ATCAY: variants seen among roughly 807,000 people sequenced by gnomAD.
ATCAY encodes ATCAY kinesin light chain interacting caytaxin, also known as caytaxin.
A neutral mutation model predicts 47.7 loss-of-function variants in ATCAY; 22 were observed. That is an observed-to-expected ratio of 0.46 (90% CI 0.33 to 0.66). The LOEUF (loss-of-function observed/expected upper bound fraction) is 0.66, where lower values mean the gene tolerates loss of function less well. Among genes scored for constraint, ATCAY ranks in the 30% least tolerant of loss-of-function variants. ATCAY has a pLI of 0.02. For missense variants in ATCAY, 452 were observed against 515.0 expected, an observed-to-expected ratio of 0.88 and a Z score of 1.18; for synonymous variants, 216 against 207.6, an observed-to-expected ratio of 1.04 and a Z score of -0.35.
rs192076730 is a variant in ATCAY at position 3,920,840 on chromosome 19, G to A, written c.1106+42G>A. The stretch of plus-strand genomic sequence containing the variant: ...GTGGTCTTCGTGCTGTTTTCAAAAT[G>A]TCCTTCATGGACCTGTATTAGTCAG... On this transcript the variant is annotated intron_variant, in intron 12 of 12. Coordinates refer to ENST00000450849, the MANE Select transcript of ATCAY (RefSeq NM_033064.5). 3.9e-5 allele frequency: 63 copies of A among 1,610,058 alleles called. 2 individuals are homozygous for A. In the African/African-American group the frequency reaches 7.5e-4, roughly 19 times the overall value.
intron 2 of ATCAY, among the ~76,000 whole-genome samples, chr19:3,898,912 C>A (rs2038791245): frequency 1.3e-5 from 2 of 152,206 alleles, no homozygotes; most frequent in Admixed American, 6.5e-5. Flanking sequence ...AATCTCTTGG[C>A]CTCATGATGT....
intron 2 of ATCAY, among the ~76,000 whole-genome samples, chr19:3,886,276 G>A (rs895163567): frequency 4.0e-5 from 6 of 151,692 alleles, no homozygotes; most frequent in Non-Finnish European, 7.4e-5. Flanking sequence ...TGGCAAAACC[G>A]CGTCTCTACT....
chr19:3,914,993 C>CG (rs397823016), intron 9 of ATCAY, among the ~76,000 whole-genome samples: 1 of 151,706 alleles, frequency 6.6e-6, no homozygotes, highest in Non-Finnish European at 1.5e-5. Flanking sequence ...CAGGGACCCC[C>CG]CGGAGCTTGG....
intron 1 of ATCAY, among the ~76,000 whole-genome samples, chr19:3,882,310 C>A (rs1427996348): frequency 6.6e-6 from 1 of 152,056 alleles, no homozygotes; most frequent in Non-Finnish European, 1.5e-5. Context: ...CTGCCCCCAG[C>A]CAGATGCTTT....
chr19:3,908,808 A>C (rs1599290147), intron 6 of ATCAY, among the ~76,000 whole-genome samples: 17 of 32,484 alleles, frequency 5.2e-4, no homozygotes, highest in South Asian at 1.4e-3. Flanking sequence ...CCCTTTCTCC[A>C]CCTCATCCTC....
rs373954678 is a variant in ATCAY at position 3,917,399 on chromosome 19, A to AT, written c.966-342dup. On this transcript the variant is annotated intron_variant, in intron 9 of 12. Coordinates refer to ENST00000450849, the MANE Select transcript of ATCAY (RefSeq NM_033064.5). ...GGAGTTTGAGACCAGCCAGGCCAACATAGGGAAACCCCGTCTGTACTAAAA... is the reference window on the plus strand; with the variant it reads ...GGAGTTTGAGACCAGCCAGGCCAACATTAGGGAAACCCCGTCTGTACTAAAA... Among the ~76,000 whole-genome samples, 57 of 152,016 alleles carry AT rather than the reference A, an allele frequency of 3.7e-4. No individual in the cohort carries two copies. The East Asian group carries it at 7.8e-3, about 21-fold the overall frequency.
chr19:3,898,670 A>G (rs1434339275), intron 2 of ATCAY, among the ~76,000 whole-genome samples: 2 of 151,770 alleles, frequency 1.3e-5, no homozygotes, highest in East Asian at 1.9e-4. Context: ...CTGTTAATGG[A>G]CTGGTGTTGT....
At position 3,918,802 on chromosome 19, in the gene ATCAY, A is replaced by C. The variant is rs1215050664; in HGVS notation, c.1002-4A>C. 2.5e-6 allele frequency: 4 copies of C among 1,613,912 alleles called. No homozygotes were observed. Among genetic ancestry groups the C allele is most frequent in the Non-Finnish European group, 3.4e-6 (4 of 1,179,836 alleles). The stretch of plus-strand genomic sequence containing the variant: ...CCTTGTCACCTCGTTCTCTCTGTCC[A>C]CAGCGCGAGGCCCCAGCCGGAGTTT... On this transcript the variant is annotated splice_region_variant and splice_polypyrimidine_tract_variant and intron_variant, in intron 10 of 12. Coordinates refer to ENST00000450849, the MANE Select transcript of ATCAY (RefSeq NM_033064.5).
intron 6 of ATCAY, 141 bp from the exon 7 acceptor site, chr19:3,909,345 G>A (rs796763875): frequency 7.5e-6 from 7 of 934,286 alleles, no homozygotes; most frequent in East Asian, 5.2e-5. Flanking sequence ...CCTGCAGTCC[G>A]CCAGGACAGC....
chr19:3,913,582 G>A (rs898100186), intron 8 of ATCAY, among the ~76,000 whole-genome samples, 176 bp from the exon 9 acceptor site: 41 of 152,234 alleles, frequency 2.7e-4, no homozygotes, highest in African/African-American at 9.6e-4. Flanking sequence ...CTCCATGCAT[G>A]GGGTGCAAGA....
chr19:3,922,775 C>T (rs1285627325), intron 12 of ATCAY, among the ~76,000 whole-genome samples: 5 of 151,972 alleles, frequency 3.3e-5, no homozygotes, highest in Admixed American at 6.6e-5. Flanking sequence ...GATGGAGTCT[C>T]GCTCTGTCGC....
intron 7 of ATCAY, among the ~76,000 whole-genome samples, 189 bp downstream of exon 7, chr19:3,909,806 C>T (rs1237937473): frequency 2.6e-5 from 4 of 152,040 alleles, no homozygotes; most frequent in African/African-American, 4.8e-5. Context: ...ACTTTTAGGC[C>T]GGGCAAGGGG....
Position 3,920,764 on chromosome 19 carries a change from A to AG in ATCAY, c.1074dup, listed in dbSNP as rs1365237357. On this transcript the variant is annotated splice_acceptor_variant, in intron 11 of 12. Coordinates refer to ENST00000450849, the MANE Select transcript of ATCAY (RefSeq NM_033064.5). LOFTEE classifies it high-confidence loss of function. ...CGCCCAGTCTCCGTCTCTCCTCCAC[A>AG]GGTCTGCTCTGGTCTCAGAAGATCA... is the stretch of plus-strand genomic sequence containing the variant. 6.2e-7 allele frequency: 1 copy of AG among 1,610,762 alleles called. No homozygotes were observed. The highest frequency in any genetic ancestry group is 1.3e-5 in the African/African-American group (1 of 75,012).
chr19:3,887,627 C>A (rs376212904), intron 2 of ATCAY, among the ~76,000 whole-genome samples: 1 of 150,776 alleles, frequency 6.6e-6, no homozygotes, highest in African/African-American at 2.4e-5. Flanking sequence ...GCTGGGACTA[C>A]GGGCACCCGC....
rs143556668 is a variant in ATCAY, at chr19:3,887,016, A to G, written c.77+1172A>G. Among the ~76,000 whole-genome samples the G allele has an allele frequency of 5.9e-3, 891 of 152,124 alleles. 11 individuals carry two copies. Among genetic ancestry groups the G allele is most frequent in the African/African-American group, 0.02 (839 of 41,524 alleles). On this transcript the variant is annotated intron_variant, in intron 2 of 12. Transcript: ENST00000450849. ...AACATTTTGCAGGGACATCTTGTCT[A>G]CACTCTGTCTCCCCACCACACGGAG...
rs549694453 is a variant in ATCAY at position 3,907,929 on chromosome 19, G to T, written c.544+10G>T. 2 of 1,608,430 alleles carry T rather than the reference G, an allele frequency of 1.2e-6. No individual in the cohort carries two copies. The highest frequency in any genetic ancestry group is 2.7e-5 in the African/African-American group (2 of 74,818). On this transcript the variant is annotated intron_variant, in intron 5 of 12. Transcript: ENST00000450849. The surrounding 1 kb of genome is among the most constrained non-coding windows in gnomAD (Gnocchi z 5.1). ...GTGGTCACCCACGGAGGTGAGACCCGCCCCCCGGTGCCCCCTTGGGGCTCC... is the reference window on the plus strand; with the variant it reads ...GTGGTCACCCACGGAGGTGAGACCCTCCCCCCGGTGCCCCCTTGGGGCTCC...
At chr19:3,895,905 T>C (rs1397909486) in intron 2 of ATCAY, among the ~76,000 whole-genome samples, 4 of 151,726 alleles carry the variant, frequency 2.6e-5, no homozygotes, top group African/African-American at 9.7e-5. Flanking sequence ...TTTGTAGAGA[T>C]GGGGTCTCAC....
chr19:3,902,467 G>C lies in ATCAY; in HGVS notation c.78-20G>C. ...CTCTGGTGCCCGGCGACTGATGCCTGTTCCTGGATGGGTCCGCAGGCCACT... is the reference window on the plus strand; with the variant it reads ...CTCTGGTGCCCGGCGACTGATGCCTCTTCCTGGATGGGTCCGCAGGCCACT... On this transcript the variant is annotated intron_variant, in intron 2 of 12. Coordinates refer to ENST00000450849, the MANE Select transcript of ATCAY (RefSeq NM_033064.5). The C allele has an allele frequency of 6.4e-7, 1 of 1,564,514 alleles. No individual in the cohort carries two copies. Among genetic ancestry groups the C allele is most frequent in the Non-Finnish European group, 8.7e-7 (1 of 1,154,640 alleles).
intron 7 of ATCAY, 132 bp from the exon 8 acceptor site, chr19:3,910,671 G>A: frequency 1.2e-6 from 1 of 855,666 alleles, no homozygotes; most frequent in Non-Finnish European, 1.9e-6. Flanking sequence ...GGATTTGACA[G>A]GTACCTGGAG....
Sources: gnomAD v4.1 joint callset for allele counts (sites outside exome capture counted in the v4.1 genomes callset) on GRCh38, gnomAD v4.1.1 for gene constraint, Gnocchi (gnomAD v3.1) non-coding constraint, MANE v1.5 for transcripts, NCBI Gene and HGNC (gene_info 2026-07-23, HGNC 2026-07-21) for gene names.